SH3PXD2A: variants seen among roughly 807,000 people sequenced by gnomAD.
SH3PXD2A encodes the protein SH3 and PX domains 2A.
A neutral mutation model predicts 115.2 loss-of-function variants in SH3PXD2A; 32 were observed. The ratio of observed to expected loss-of-function variants is 0.28; its 90% confidence interval spans 0.21 to 0.37. The LOEUF is 0.37. Ranked by LOEUF, SH3PXD2A falls within the 10% of genes least tolerant of loss-of-function variation. The pLI, the probability that SH3PXD2A is intolerant of heterozygous loss-of-function variation, is 1.00. For synonymous variants in SH3PXD2A, 610 were observed against 629.1 expected (o/e 0.97, Z 0.45); for missense variants, 1,328 against 1,498.7 (o/e 0.89, Z 1.88).
intron 11 of SH3PXD2A, among the ~76,000 whole-genome samples, chr10:103,613,787 A>G (rs1261372001): frequency 6.6e-6 from 1 of 152,160 alleles, no homozygotes; most frequent in Admixed American, 6.5e-5. Context: ...ACATGTTGAG[A>G]TCAACTAAGC....
chr10:103,719,308 T>A (rs1457527786), intron 5 of SH3PXD2A, among the ~76,000 whole-genome samples: 1 of 152,196 alleles, frequency 6.6e-6, no homozygotes, highest in Non-Finnish European at 1.5e-5. Context: ...ATGGGTTGGG[T>A]CAGGGCTGTG....
At chr10:103,738,212 G>C (rs558112396) in intron 3 of SH3PXD2A, among the ~76,000 whole-genome samples, 10 of 152,220 alleles carry the variant, frequency 6.6e-5, no homozygotes, top group African/African-American at 2.4e-4. Flanking sequence ...CTCGAAAGGA[G>C]ATAAAACGTG....
chr10:103,672,782 A>G (rs1318824976), intron 6 of SH3PXD2A, among the ~76,000 whole-genome samples: 2 of 152,244 alleles, frequency 1.3e-5, no homozygotes, highest in East Asian at 3.8e-4. Flanking sequence ...GGACACAAAG[A>G]GGAGTAAGTG....
At chr10:103,640,817 G>C (rs974439966) in intron 8 of SH3PXD2A, among the ~76,000 whole-genome samples, 16 of 152,144 alleles carry the variant, frequency 1.1e-4, no homozygotes, top group African/African-American at 3.9e-4. Flanking sequence ...AAGAAAGGGG[G>C]CCTGGCAGTG....
At position 103,735,635 on chromosome 10, in the gene SH3PXD2A, G is replaced by A. The variant is rs1482609962; in HGVS notation, c.306+97C>T. 3 of 989,518 alleles carry A rather than the reference G, an allele frequency of 3.0e-6. No individual in the cohort carries two copies. In the East Asian group the frequency reaches 7.1e-5, roughly 24 times the overall value. The allele number at this position is 989,518 out of a possible 1,614,324, so 61.3% of individuals were successfully genotyped here. On this transcript the variant is annotated intron_variant, in intron 4 of 14. Transcript: ENST00000369774. ...CCAGGCCTCAGGACGGTTCTGTACA[G>A]CAACCTTTCCTCACAGATGGACACT...
chr10:103,693,344 C>T (rs922904845), intron 5 of SH3PXD2A: 1 of 150,346 alleles, frequency 6.7e-6, no homozygotes, highest in African/African-American at 2.5e-5. Context: ...CTTCCCTAAG[C>T]CTTGGCGGGG....
chr10:103,722,384 G>A (rs1432196401), intron 5 of SH3PXD2A, among the ~76,000 whole-genome samples: 1 of 151,862 alleles, frequency 6.6e-6, no homozygotes, highest in Non-Finnish European at 1.5e-5. Context: ...CTTGGAGGTA[G>A]CAAAAACAGG....
chr10:103,835,746 T>G (rs967708832), intron 1 of SH3PXD2A, among the ~76,000 whole-genome samples: 1 of 152,064 alleles, frequency 6.6e-6, no homozygotes, highest in Admixed American at 6.6e-5. Context: ...CACAACAACT[T>G]TTCCCTGAAG....
At chr10:103,711,152 C>T (rs1267677714) in intron 5 of SH3PXD2A, among the ~76,000 whole-genome samples, 1 of 152,212 alleles carries the variant, frequency 6.6e-6, no homozygotes, top group African/African-American at 2.4e-5. Flanking sequence ...AGCTCTGCCA[C>T]CTTCCTTCCC....
At chr10:103,726,181 G>C (rs1274274025) in intron 4 of SH3PXD2A, among the ~76,000 whole-genome samples, 1 of 152,146 alleles carries the variant, frequency 6.6e-6, no homozygotes, top group Non-Finnish European at 1.5e-5. Context: ...ACAAACACAG[G>C]GTTTGTGAGA....
chr10:103,685,337 CAAAAAAAAAAAAAAA>C (rs775424414), intron 6 of SH3PXD2A, among the ~76,000 whole-genome samples: 3 of 56,390 alleles, frequency 5.3e-5, no homozygotes, highest in South Asian at 8.1e-4. Context: ...AACTCTGTCT[CAAAAAAAAAAAAAAA>C]AAAAAAAAAA....
rs545341964 is a variant in SH3PXD2A, at chr10:103,779,406, G to A, written c.154-12237C>T. 5.9e-5 allele frequency among the ~76,000 whole-genome samples: 9 copies of A among 152,328 alleles called. No homozygotes were observed. The South Asian group carries it at 1.2e-3, about 21-fold the overall frequency. On this transcript the variant is annotated intron_variant, in intron 2 of 14. Coordinates refer to ENST00000369774, the MANE Select transcript of SH3PXD2A (RefSeq NM_001394015.1). ...CCTGATACCCCCGTGTGCCAGCCCC[G>A]GCTGCTTGTGAACTTCCCTCCCTTT... is the stretch of plus-strand genomic sequence containing the variant.
At chr10:103,762,927 A>G (rs1032949019) in intron 3 of SH3PXD2A, among the ~76,000 whole-genome samples, 6 of 149,754 alleles carry the variant, frequency 4.0e-5, no homozygotes, top group African/African-American at 1.5e-4. Flanking sequence ...CCACTGCACA[A>G]CACTCCATCT....
intron 3 of SH3PXD2A, chr10:103,736,649 G>C: frequency 1.5e-6 from 1 of 684,362 alleles, no homozygotes; most frequent in Non-Finnish European, 2.3e-6. Context: ...TGAGCTGGGA[G>C]TAATGTCCCT....
chr10:103,716,826 C>G (rs1222398313), intron 5 of SH3PXD2A, among the ~76,000 whole-genome samples: 1 of 152,248 alleles, frequency 6.6e-6, no homozygotes, highest in African/African-American at 2.4e-5. Context: ...GTCAAGAAGG[C>G]TGCAACCTCA....
rs550301779 is a variant in SH3PXD2A, at chr10:103,614,587, T to G, written c.921-1397A>C. ...ATGACTTCTGAAAACAAGCTTTTCC[T>G]TTTTTCCTCGTGGTGTTGAGTTTTC... On this transcript the variant is annotated intron_variant, in intron 11 of 14. Coordinates refer to ENST00000369774, the MANE Select transcript of SH3PXD2A (RefSeq NM_001394015.1). Among the ~76,000 whole-genome samples the G allele has an allele frequency of 2.8e-4, 42 of 152,318 alleles. No individual in the cohort carries two copies. The South Asian group carries it at 8.3e-3, about 30-fold the overall frequency.
chr10:103,677,272 A>G (rs1235773769), intron 6 of SH3PXD2A, among the ~76,000 whole-genome samples: 1 of 152,168 alleles, frequency 6.6e-6, no homozygotes, highest in Non-Finnish European at 1.5e-5. Context: ...CCTCTGTCTC[A>G]AAGCATCAGA....
chr10:103,726,406 C>T (rs564183442), intron 4 of SH3PXD2A, among the ~76,000 whole-genome samples: 2 of 152,268 alleles, frequency 1.3e-5, no homozygotes, highest in East Asian at 3.9e-4. Context: ...GGTGAGGAGA[C>T]AGAGGTGCAG....
chr10:103,642,076 C>T (rs1184203229), intron 8 of SH3PXD2A, among the ~76,000 whole-genome samples: 3 of 151,732 alleles, frequency 2.0e-5, no homozygotes, highest in African/African-American at 7.3e-5. Context: ...AATGACCCAT[C>T]ATAAAGCTGA....
Sources: gnomAD v4.1 joint callset for allele counts (sites outside exome capture counted in the v4.1 genomes callset) on GRCh38, gnomAD v4.1.1 for gene constraint, MANE v1.5 for transcripts, NCBI Gene and HGNC (gene_info 2026-07-23, HGNC 2026-07-21) for gene names.